The following PCM1 variants were observed in gnomAD, a reference collection of about 807,000 sequenced individuals.
PCM1 encodes the protein pericentriolar material 1, also known as pericentriolar material 1 protein.
In PCM1, 157 loss-of-function variants were observed where a neutral mutation model predicts 241.9. The ratio of observed to expected loss-of-function variants is 0.65; its 90% CI spans 0.57 to 0.74. PCM1 has a LOEUF of 0.74. Ranked by LOEUF, PCM1 falls within the 30% of genes least tolerant of loss-of-function variation. PCM1 has a pLI of 0.00. For missense variants in PCM1, 3,478 were observed against 2,360.1 expected, an observed-to-expected ratio of 1.47 and a Z score of -9.81; for synonymous variants, 1,085 against 784.9, an observed-to-expected ratio of 1.38 and a Z score of -6.39.
At chr8:18,024,724 A>G (rs189639992) in intron 36 of PCM1, among the ~76,000 whole-genome samples, 2 of 152,312 alleles carry the variant, frequency 1.3e-5, no homozygotes, top group East Asian at 1.9e-4. Context: ...AGCATATACT[A>G]TCAAGCTAGA....
chr8:17,926,338 A>G (rs1465259942), intron 2 of PCM1: 1 of 152,334 alleles, frequency 6.6e-6, no homozygotes, highest in Non-Finnish European at 1.5e-5. Flanking sequence ...TGAGATTCAC[A>G]GTACAGAACT....
At chr8:17,994,436 G>C (rs1240088414) in intron 29 of PCM1, among the ~76,000 whole-genome samples, 2 of 152,130 alleles carry the variant, frequency 1.3e-5, no homozygotes, top group Non-Finnish European at 2.9e-5. Flanking sequence ...TTCATCTGTT[G>C]ATGGACACTT....
At chr8:18,023,948 C>G (rs1297950568) in intron 36 of PCM1, among the ~76,000 whole-genome samples, 1 of 152,178 alleles carries the variant, frequency 6.6e-6, no homozygotes, top group Non-Finnish European at 1.5e-5. Context: ...TAATGCTACT[C>G]CATTTGGCCA....
chr8:17,955,821 G>A (rs974338440), intron 10 of PCM1, 168 bp downstream of exon 10: 1 of 627,048 alleles, frequency 1.6e-6, no homozygotes, highest in Admixed American at 2.6e-5. Context: ...CATAATTTGA[G>A]TTGTCTAAGA....
intron 1 of PCM1, 122 bp from the exon 2 acceptor site, chr8:17,924,591 T>C (rs954141279): frequency 1.3e-5 from 2 of 152,238 alleles, no homozygotes; most frequent in Non-Finnish European, 2.9e-5. Context: ...GAATAAGTTA[T>C]ATTTTTCCCC....
rs372991536 is a variant in PCM1 at position 17,938,878 on chromosome 8, C to T, written c.481C>T (p.Pro161Ser). The T allele has an allele frequency of 1.9e-6, 3 of 1,613,736 alleles. No individual in the cohort carries two copies. The highest frequency in any genetic ancestry group is 3.3e-5 in the Admixed American group (2 of 60,010). The change falls in exon 5 of 39, where the codon CCA becomes TCA. Residue 161 changes from proline (P) to serine (S), a missense_variant. Physicochemically the swap from Pro to Ser is moderately conservative, Grantham distance 74 (BLOSUM62 -1). Coordinates refer to ENST00000325083, the MANE Select transcript of PCM1 (RefSeq NM_006197.4). ...GAGCAAAGATGCATCTACAAACCCCCCAAACAGAGAAACGATTGGATCAGC... is the reference window on the plus strand; with the variant it reads ...GAGCAAAGATGCATCTACAAACCCCTCAAACAGAGAAACGATTGGATCAGC... ...NKSKDASTNP[P>S]NRETIGSAQC...
At chr8:17,955,445 T>A (rs751090964) in intron 9 of PCM1, 25 bp from the exon 10 acceptor site, 24 of 1,517,424 alleles carry the variant, frequency 1.6e-5, no homozygotes, top group African/African-American at 1.3e-4. Flanking sequence ...TTAAAAAAAA[T>A]TTTTTGTTGT....
Position 17,972,688 on chromosome 8 carries a change from G to T in PCM1, c.3943+1G>T, listed in dbSNP as rs1428100419. On this transcript the variant is annotated splice_donor_variant, in intron 23 of 38. Transcript: ENST00000325083. LOFTEE classifies it high-confidence loss of function. ...CTGAAAAGCAGAGTTAAAAACATCAGTAAGTGTTGAAATTTGTTGAATGTT... is the reference window on the plus strand; with the variant it reads ...CTGAAAAGCAGAGTTAAAAACATCATTAAGTGTTGAAATTTGTTGAATGTT... The T allele has an allele frequency of 6.7e-7, 1 of 1,503,018 alleles. No homozygotes were observed. The highest frequency in any genetic ancestry group is 8.9e-7 in the Non-Finnish European group (1 of 1,123,200). The allele number at this position is 1,503,018 out of a possible 1,614,324, so 93.1% of individuals were successfully genotyped here.
At chr8:17,954,225 C>G (rs140715344) in intron 9 of PCM1, among the ~76,000 whole-genome samples, 1 of 151,886 alleles carries the variant, frequency 6.6e-6, no homozygotes, top group East Asian at 1.9e-4. Flanking sequence ...GTCGGGAGTT[C>G]GAGACCAGCC....
At chr8:17,976,139 T>TTAGGC (rs2078696363) in intron 23 of PCM1, among the ~76,000 whole-genome samples, 1 of 152,164 alleles carries the variant, frequency 6.6e-6, no homozygotes, top group Admixed American at 6.5e-5. Flanking sequence ...ACGTGAAACA[T>TTAGGC]TAGGCAAGGC....
intron 23 of PCM1, among the ~76,000 whole-genome samples, chr8:17,979,787 T>TGAAAACA (rs59941078): frequency 0.78 from 118,898 of 151,492 alleles, 47,252 homozygotes; most frequent in African/African-American, 0.87. Flanking sequence ...TTTTTAAAAT[T>TGAAAACA]AAAAACAAAA....
chr8:18,019,287 A>T (rs1414821183), intron 36 of PCM1, among the ~76,000 whole-genome samples: 1 of 152,214 alleles, frequency 6.6e-6, no homozygotes, highest in Non-Finnish European at 1.5e-5. Context: ...TACAATGGAC[A>T]TAAGGCCTCA....
intron 29 of PCM1, among the ~76,000 whole-genome samples, 153 bp downstream of exon 29, chr8:17,993,772 A>T (rs2085620903): frequency 6.6e-6 from 1 of 152,238 alleles, no homozygotes; most frequent in Admixed American, 6.5e-5. Flanking sequence ...ACATTCTCTG[A>T]ACCTTTCAGT....
intron 2 of PCM1, chr8:17,934,880 T>C (rs1458630144): frequency 6.6e-6 from 1 of 152,198 alleles, no homozygotes; most frequent in African/African-American, 2.4e-5. Context: ...AGTCCCTTTC[T>C]TGATTTTCAC....
At chr8:17,994,369 A>T (rs1319953921) in intron 29 of PCM1, among the ~76,000 whole-genome samples, 2 of 152,114 alleles carry the variant, frequency 1.3e-5, no homozygotes, top group African/African-American at 4.8e-5. Context: ...AGGTCTCATT[A>T]TTTTTTATGG....
chr8:17,991,487 T>A, intron 27 of PCM1, 55 bp from the exon 28 acceptor site: 1 of 1,423,090 alleles, frequency 7.0e-7, no homozygotes, highest in Non-Finnish European at 9.5e-7. Context: ...TTTTGAGGAA[T>A]ATATGAAAAA....
chr8:17,938,486 C>T (rs1227851446), intron 4 of PCM1, among the ~76,000 whole-genome samples: 1 of 152,156 alleles, frequency 6.6e-6, no homozygotes, highest in Admixed American at 6.5e-5. Context: ...AGCTGTACTT[C>T]ATTTAGACTT....
chr8:17,934,707 T>C (rs1023714358), intron 2 of PCM1: 4 of 152,248 alleles, frequency 2.6e-5, no homozygotes, highest in African/African-American at 9.6e-5. Context: ...CTCTTTCAGC[T>C]AGCACCCTTT....
chr8:18,024,184 T>G (rs1007469439), intron 36 of PCM1, among the ~76,000 whole-genome samples: 2 of 152,152 alleles, frequency 1.3e-5, no homozygotes, highest in Non-Finnish European at 1.5e-5. Context: ...CTGGGCAACA[T>G]AGTAAGACCC....
Sources: allele counts gnomAD v4.1 joint callset (sites outside exome capture counted in the v4.1 genomes callset), GRCh38; gene constraint gnomAD v4.1.1; transcripts MANE v1.5; gene names NCBI Gene and HGNC (gene_info 2026-07-23, HGNC 2026-07-21).